The following TAFA4 variants were observed in gnomAD, a reference collection of about 807,000 sequenced individuals.
The protein encoded by TAFA4 is chemokine-like protein TAFA-4.
A neutral mutation model predicts 21.1 loss-of-function variants in TAFA4; 20 were observed. That is an observed-to-expected ratio of 0.95 (90% CI 0.67 to 1.38). The LOEUF (loss-of-function observed/expected upper bound fraction) is 1.38. Among genes scored for constraint, TAFA4 ranks in the 40% most tolerant of loss-of-function variants. TAFA4 has a pLI of 0.00. For synonymous variants in TAFA4, 71 were observed against 67.4 expected (o/e 1.05, Z -0.26); for missense variants, 211 against 180.9 (o/e 1.17, Z -0.95).
intron 1 of TAFA4, among the ~76,000 whole-genome samples, chr3:68,915,815 A>G (rs1376803012): frequency 6.6e-6 from 1 of 152,220 alleles, no homozygotes; most frequent in African/African-American, 2.4e-5. Context: ...AGAATTAATA[A>G]TCATACCCAG....
chr3:68,889,226 GC>G (rs2089707082), intron 1 of TAFA4, among the ~76,000 whole-genome samples: 1 of 152,134 alleles, frequency 6.6e-6, no homozygotes, highest in Non-Finnish European at 1.5e-5. Flanking sequence ...TTCATCTTCT[GC>G]CCGATGTGTG....
intron 1 of TAFA4, among the ~76,000 whole-genome samples, chr3:68,887,097 T>C (rs2089680241): frequency 6.6e-6 from 1 of 152,142 alleles, no homozygotes; most frequent in Admixed American, 6.5e-5. Context: ...TGTGAGCCTA[T>C]AAAATCAAAA....
At chr3:68,845,002 G>A (rs1336519839) in intron 3 of TAFA4, among the ~76,000 whole-genome samples, 1 of 152,122 alleles carries the variant, frequency 6.6e-6, no homozygotes, top group African/African-American at 2.4e-5. Context: ...CTGCTGATTT[G>A]GGGAGGAGCG....
intron 3 of TAFA4, among the ~76,000 whole-genome samples, chr3:68,847,154 T>C (rs187288844): frequency 6.6e-5 from 10 of 152,314 alleles, no homozygotes; most frequent in African/African-American, 2.2e-4. Flanking sequence ...CCCAGGAAGA[T>C]GGAAGTTTTA....
intron 3 of TAFA4, among the ~76,000 whole-genome samples, chr3:68,766,525 T>C (rs950822697): frequency 6.6e-6 from 1 of 150,532 alleles, no homozygotes; most frequent in Non-Finnish European, 1.5e-5. Context: ...TCTTAAATTT[T>C]TTAATAGCTA....
At chr3:68,805,687 C>G (rs1489894206) in intron 3 of TAFA4, among the ~76,000 whole-genome samples, 2 of 152,036 alleles carry the variant, frequency 1.3e-5, no homozygotes, top group Admixed American at 6.6e-5. Context: ...CCATCATTCT[C>G]AGCAAACTAT....
intron 3 of TAFA4, among the ~76,000 whole-genome samples, chr3:68,872,787 G>C (rs1243758059): frequency 6.6e-6 from 1 of 152,106 alleles, no homozygotes; most frequent in East Asian, 1.9e-4. Flanking sequence ...TTTTAGGTAG[G>C]GGATGTTGTA....
chr3:68,838,179 A>G (rs777597403), intron 3 of TAFA4, among the ~76,000 whole-genome samples: 2 of 152,184 alleles, frequency 1.3e-5, no homozygotes, highest in Non-Finnish European at 2.9e-5. Flanking sequence ...AAAAAACCCA[A>G]TAACTTTTGC....
chr3:68,749,322 A>G (rs752632413), intron 4 of TAFA4, among the ~76,000 whole-genome samples: 20 of 152,210 alleles, frequency 1.3e-4, no homozygotes, highest in Non-Finnish European at 2.8e-4. Flanking sequence ...TCCAGTTTCT[A>G]TGTCGGCATT....
chr3:68,775,876 C>G (rs1000453645), intron 3 of TAFA4, among the ~76,000 whole-genome samples: 1 of 152,096 alleles, frequency 6.6e-6, no homozygotes. Flanking sequence ...CTGTTCCACA[C>G]ATACTGTCCA....
At chr3:68,776,614 ACAC>A (rs779143940) in intron 3 of TAFA4, among the ~76,000 whole-genome samples, 37 of 152,176 alleles carry the variant, frequency 2.4e-4, no homozygotes, top group Non-Finnish European at 4.9e-4. Context: ...GACAATATTA[ACAC>A]CACCACCATC....
intron 3 of TAFA4, among the ~76,000 whole-genome samples, chr3:68,773,231 G>A (rs1180279310): frequency 6.6e-6 from 1 of 152,094 alleles, no homozygotes; most frequent in Non-Finnish European, 1.5e-5. Context: ...CCTCAGCTTT[G>A]ATAATTCACT....
intron 1 of TAFA4, among the ~76,000 whole-genome samples, chr3:68,911,403 G>C (rs1288424413): frequency 6.6e-6 from 1 of 152,146 alleles, no homozygotes; most frequent in Non-Finnish European, 1.5e-5. Flanking sequence ...CACTAACAAA[G>C]ACTTATGTGT....
At position 68,786,969 on chromosome 3, in the gene TAFA4, AAG is replaced by A. The variant is rs1390545697; in HGVS notation, c.131-33953_131-33952del. Among the ~76,000 whole-genome samples, 6 of 152,336 alleles carry A rather than the reference AAG, an allele frequency of 3.9e-5. No individual in the cohort carries two copies. The South Asian group carries it at 8.3e-4, about 21-fold the overall frequency. ...TTAAGGACAGAGGAGAAAAAATAAA[AAG>A]AGTCAGGAAAAAATATACAAAGCTC... On this transcript the variant is annotated intron_variant, in intron 3 of 5. Coordinates refer to ENST00000295569, the MANE Select transcript of TAFA4 (RefSeq NM_182522.5).
At chr3:68,819,024 G>T (rs914729402) in intron 3 of TAFA4, among the ~76,000 whole-genome samples, 1 of 152,144 alleles carries the variant, frequency 6.6e-6, no homozygotes, top group Non-Finnish European at 1.5e-5. Context: ...TACAATCCCA[G>T]CATTTTGGGA....
At chr3:68,912,507 C>A (rs1223298264) in intron 1 of TAFA4, among the ~76,000 whole-genome samples, 1 of 152,204 alleles carries the variant, frequency 6.6e-6, no homozygotes, top group Admixed American at 6.5e-5. Flanking sequence ...AATGAGCCGC[C>A]CCTTGGCTCC....
In TAFA4 at chr3:68,819,234, C is replaced by A. The variant is rs180833950; in HGVS notation, c.130+61496G>T. On this transcript the variant is annotated intron_variant, in intron 3 of 5. Coordinates refer to ENST00000295569, the MANE Select transcript of TAFA4 (RefSeq NM_182522.5). The stretch of plus-strand genomic sequence containing the variant: ...GCAGTGAGCTGAAATTGCACTACTG[C>A]ACACCTGCCTGGGTGACAGAGTGAG... 1.1e-4 allele frequency among the ~76,000 whole-genome samples: 16 copies of A among 146,262 alleles called. No homozygotes were observed. In the East Asian group the frequency reaches 2.6e-3, roughly 24 times the overall value.
In TAFA4 at chr3:68,795,479, G is replaced by A. The variant is rs377473991; in HGVS notation, c.131-42461C>T. Among the ~76,000 whole-genome samples the A allele has an allele frequency of 1.1e-4, 16 of 152,130 alleles. No homozygotes were observed. In the East Asian group the frequency reaches 1.7e-3, roughly 17 times the overall value. ...TAGCCACAACCACTGATTTAGTCAC[G>A]AGTTATTGACTCAAGCTTACCCAAG... is the stretch of plus-strand genomic sequence containing the variant. On this transcript the variant is annotated intron_variant, in intron 3 of 5. Transcript: ENST00000295569.
chr3:68,915,132 T>C (rs1448635286), intron 1 of TAFA4, among the ~76,000 whole-genome samples: 1 of 152,150 alleles, frequency 6.6e-6, no homozygotes, highest in Non-Finnish European at 1.5e-5. Flanking sequence ...TGAAGTCACC[T>C]CCCTGTTCTA....
Sources: gnomAD v4.1 joint callset for allele counts (sites outside exome capture counted in the v4.1 genomes callset) on GRCh38, gnomAD v4.1.1 for gene constraint, MANE v1.5 for transcripts, NCBI Gene and HGNC (gene_info 2026-07-23, HGNC 2026-07-21) for gene names.